Variants in SLC30A2 observed in about 807,000 individuals in gnomAD.
SLC30A2 encodes proton-coupled zinc antiporter SLC30A2.
Under a neutral mutation model 39.6 loss-of-function variants are expected in SLC30A2, and 19 were observed. The observed-to-expected ratio is 0.48, with a 90% CI of 0.34 to 0.70. SLC30A2 has a LOEUF of 0.70. Ranked by LOEUF, SLC30A2 falls within the 30% of genes least tolerant of loss-of-function variation. SLC30A2 has a pLI of 0.01. For missense variants in SLC30A2, 387 were observed against 479.4 expected, an observed-to-expected ratio of 0.81 and a Z score of 1.80; for synonymous variants, 195 against 194.8, an observed-to-expected ratio of 1.00 and a Z score of -0.01.
chr1:26,046,108 T>A lies in SLC30A2; in HGVS notation c.-212A>T. ...TGGCTCCGCGTGCCAAGCGCTCCCG[T>A]GTCTCGGGTCAGCCGCTGCGCCCCG... On this transcript the variant is annotated 5_prime_UTR_variant, in exon 1 of 8. Transcript: ENST00000374276. The surrounding 1 kb of genome is among the most constrained non-coding windows in gnomAD (Gnocchi z 4.4). 1 of 1,296,984 alleles carries A rather than the reference T, an allele frequency of 7.7e-7. No homozygotes were observed. Among genetic ancestry groups the A allele is most frequent in the Non-Finnish European group, 9.7e-7 (1 of 1,028,314 alleles). 80.3% of individuals were successfully genotyped at this position (1,296,984 alleles called of 1,614,324 possible).
intron 6 of SLC30A2, among the ~76,000 whole-genome samples, chr1:26,040,409 C>T (rs564453611): frequency 8.5e-4 from 129 of 152,020 alleles, no homozygotes; most frequent in Admixed American, 2.0e-3. Context: ...CCACCACGCC[C>T]GGCTAATTTT....
rs2050375686 is a variant in SLC30A2 at position 26,039,617 on chromosome 1, G to T, written c.973+160C>A. Among the ~76,000 whole-genome samples the T allele has an allele frequency of 6.6e-6, 1 of 152,248 alleles. No individual in the cohort carries two copies. Among genetic ancestry groups the T allele is most frequent in the Non-Finnish European group, 1.5e-5 (1 of 68,040 alleles). On this transcript the variant is annotated intron_variant, in intron 7 of 7. Transcript: ENST00000374276. The surrounding 1 kb of genome is among the most constrained non-coding windows in gnomAD (Gnocchi z 4.3). Reference sequence around the variant, plus strand: ...AGTTTCTTCATGGATAAATGAGATTGTGCTGATCAGATGGAATAATGCGTA... The same window carrying T: ...AGTTTCTTCATGGATAAATGAGATTTTGCTGATCAGATGGAATAATGCGTA...
intron 6 of SLC30A2, among the ~76,000 whole-genome samples, chr1:26,041,410 T>C (rs1467421635): frequency 1.3e-5 from 2 of 152,216 alleles, no homozygotes; most frequent in Non-Finnish European, 1.5e-5. Context: ...CTCCAGATGC[T>C]ACAGATGTCC....
chr1:26,041,143 A>G (rs1191404844), intron 6 of SLC30A2, among the ~76,000 whole-genome samples: 1 of 152,112 alleles, frequency 6.6e-6, no homozygotes, highest in Non-Finnish European at 1.5e-5. Context: ...GGCAGACCAG[A>G]TCATTCTCCA....
At position 26,039,871 on chromosome 1, in the gene SLC30A2, C is replaced by A. The variant is rs2050378222; in HGVS notation, c.879G>T (p.Leu293=). Residue 293 remains leucine, a synonymous_variant, in exon 7 of 8, where the codon CTG becomes CTT. Transcript: ENST00000374276. The surrounding 1 kb of genome is among the most constrained non-coding windows in gnomAD (Gnocchi z 4.3). ...CTTCTACCCCCTCCACCGACAGCAGCAGATCACGAACAGCTGTGAAGTCAA... is the reference window on the plus strand; with the variant it reads ...CTTCTACCCCCTCCACCGACAGCAGAAGATCACGAACAGCTGTGAAGTCAA... The part of the protein sequence containing the change: ...KGVDFTAVRD[L]LLSVEGVEAL... 1 of 1,614,018 alleles carries A rather than the reference C, an allele frequency of 6.2e-7. No homozygotes were observed. Among genetic ancestry groups the A allele is most frequent in the Non-Finnish European group, 8.5e-7 (1 of 1,180,028 alleles).
chr1:26,042,733 G>C (rs1167100581), intron 4 of SLC30A2, 25 bp from the exon 5 acceptor site: 1 of 1,608,072 alleles, frequency 6.2e-7, no homozygotes, highest in Non-Finnish European at 8.5e-7. Flanking sequence ...ACAAAGCCAA[G>C]GGCTCACTGA....
chr1:26,039,642 ATCAAGTACTCAGCATGAGGCTGGG>A lies in SLC30A2; in HGVS notation c.973+111_973+134del. 1.2e-6 allele frequency: 1 copy of A among 843,606 alleles called. No individual in the cohort carries two copies. Among genetic ancestry groups the A allele is most frequent in the Non-Finnish European group, 1.9e-6 (1 of 540,538 alleles). The allele number at this position is 843,606 out of a possible 1,614,324, so 52.3% of individuals were successfully genotyped here. A position where few individuals can be genotyped will look rare whatever the true frequency, so the allele number is the denominator to read the frequency against. Reference sequence around the variant, plus strand: ...GTGCTGATCAGATGGAATAATGCGTATCAAGTACTCAGCATGAGGCTGGGCTTGATGCATGGGCACTGTGAGCAT... The same window carrying A: ...GTGCTGATCAGATGGAATAATGCGTACTTGATGCATGGGCACTGTGAGCAT... On this transcript the variant is annotated intron_variant, in intron 7 of 7. Coordinates refer to ENST00000374276, the MANE Select transcript of SLC30A2 (RefSeq NM_001004434.3). This position sits in a 1 kb window ranked among gnomAD's most constrained non-coding sequence, Gnocchi z 4.3.
chr1:26,042,636 G>A lies in SLC30A2; in HGVS notation c.645C>T (p.Pro215=). The change falls in exon 5 of 8, where the codon CCC becomes CCT. Residue 215 remains proline (P), a synonymous_variant. Coordinates refer to ENST00000374276, the MANE Select transcript of SLC30A2 (RefSeq NM_001004434.3). ...HGTTNQQEEN[P]SVRAAFIHVI... is the part of the protein sequence containing the mutation. The stretch of plus-strand genomic sequence containing the variant: ...CATGGATGAAGGCAGCTCGGACGCT[G>A]GGGTTCTCCTCCTGCTGGTTGGTGG... 1 of 1,614,172 alleles carries A rather than the reference G, an allele frequency of 6.2e-7. No homozygotes were observed. Among genetic ancestry groups the A allele is most frequent in the Non-Finnish European group, 8.5e-7 (1 of 1,180,008 alleles).
rs2050460945 is a variant in SLC30A2 at position 26,046,042 on chromosome 1, C to T, written c.-146G>A. On this transcript the variant is annotated 5_prime_UTR_variant, in exon 1 of 8. Transcript: ENST00000374276. The surrounding 1 kb of genome is among the most constrained non-coding windows in gnomAD (Gnocchi z 4.4). ...CACTCCGGCCCGGCTCCTGCGGCCC[C>T]TGAGCTCCCCCGGCTCCCGCTGCGG... 2 of 1,359,258 alleles carry T rather than the reference C, an allele frequency of 1.5e-6. No individual in the cohort carries two copies. Among genetic ancestry groups the T allele is most frequent in the Middle Eastern group, 5.5e-4 (2 of 3,654 alleles). The allele number at this position is 1,359,258 out of a possible 1,614,324, so 84.2% of individuals were successfully genotyped here.
chr1:26,042,749 C>A, intron 4 of SLC30A2, 41 bp from the exon 5 acceptor site: 1 of 1,592,932 alleles, frequency 6.3e-7, no homozygotes, highest in Non-Finnish European at 8.6e-7. Flanking sequence ...ACTGAGGTCG[C>A]AGATGGAGGT....
chr1:26,042,482 G>T, intron 5 of SLC30A2, 67 bp downstream of exon 5: 1 of 1,423,022 alleles, frequency 7.0e-7, no homozygotes, highest in Non-Finnish European at 9.7e-7. Context: ...AGAAACCCCG[G>T]TAGAGAGTAT....
intron 3 of SLC30A2, among the ~76,000 whole-genome samples, chr1:26,043,897 C>T (rs982823971): frequency 2.0e-5 from 3 of 152,324 alleles, no homozygotes; most frequent in Non-Finnish European, 4.4e-5. Flanking sequence ...AGGAAGGTGA[C>T]GATGCAGTCC....
chr1:26,039,246 ACTTCCCTTGGAGGCGGCTGCTGG>A lies in SLC30A2; in HGVS notation c.1010_1032del (p.Ala337ValfsTer48). On this transcript the variant is annotated frameshift_variant, in exon 8 of 8. Coordinates refer to ENST00000374276, the MANE Select transcript of SLC30A2 (RefSeq NM_001004434.3). LOFTEE classifies it high-confidence loss of function. The surrounding 1 kb of genome is among the most constrained non-coding windows in gnomAD (Gnocchi z 4.3). ...TGGATGGTCACGGTGTGGAAGTGGAACTTCCCTTGGAGGCGGCTGCTGGCTGTCTTCAGCACAGCCTGGGCGTC... is the reference window on the plus strand; with the variant it reads ...TGGATGGTCACGGTGTGGAAGTGGAACTGTCTTCAGCACAGCCTGGGCGTC... 1 of 1,614,042 alleles carries A rather than the reference ACTTCCCTTGGAGGCGGCTGCTGG, an allele frequency of 6.2e-7. No homozygotes were observed. The highest frequency in any genetic ancestry group is 8.5e-7 in the Non-Finnish European group (1 of 1,179,958).
rs2050366493 is a variant in SLC30A2 at position 26,038,805 on chromosome 1, C to G, written c.*355G>C. The G allele has an allele frequency of 4.8e-6, 1 of 208,014 alleles. No individual in the cohort carries two copies. Among genetic ancestry groups the G allele is most frequent in the Non-Finnish European group, 9.3e-6 (1 of 107,232 alleles). 12.9% of individuals were successfully genotyped at this position (208,014 alleles called of 1,614,324 possible). On this transcript the variant is annotated 3_prime_UTR_variant, in exon 8 of 8. Coordinates refer to ENST00000374276, the MANE Select transcript of SLC30A2 (RefSeq NM_001004434.3). ...GGCTGAGAATGGGGCATGAGGCAGG[C>G]AGTATGGGCGCGCTGGGGCCAGCCT...
Position 26,045,022 on chromosome 1 carries a change from C to T in SLC30A2, c.246G>A (p.Leu82=), listed in dbSNP as rs1389271713. 1.2e-6 allele frequency: 2 copies of T among 1,614,234 alleles called. No individual in the cohort carries two copies. Among genetic ancestry groups the T allele is most frequent in the Non-Finnish European group, 1.7e-6 (2 of 1,180,040 alleles). ...RQLYVASAIC[L]LFMIGEVVGG... is the part of the protein sequence containing the mutation. ...CAACGACTTCTCCGATCATGAACAA[C>T]AGGCAGATGGCAGAGGCTACATACA... is the stretch of plus-strand genomic sequence containing the variant. Residue 82 remains leucine, a synonymous_variant, in exon 2 of 8, where the codon CTG becomes CTA. Coordinates refer to ENST00000374276, the MANE Select transcript of SLC30A2 (RefSeq NM_001004434.3).
intron 1 of SLC30A2, 100 bp from the exon 2 acceptor site, chr1:26,045,317 A>G: frequency 1.0e-6 from 1 of 966,316 alleles, no homozygotes; most frequent in Non-Finnish European, 1.6e-6. Flanking sequence ...CCACTGGGAA[A>G]AATAGCTAAG....
In SLC30A2 at chr1:26,038,877, A is replaced by C; in HGVS notation, c.*283T>G. 4.3e-6 allele frequency: 3 copies of C among 691,698 alleles called. No individual in the cohort carries two copies. The highest frequency in any genetic ancestry group is 4.6e-5 in the South Asian group (1 of 21,966). 42.8% of individuals were successfully genotyped at this position (691,698 alleles called of 1,614,324 possible). A position where few individuals can be genotyped will look rare whatever the true frequency, so the allele number is the denominator to read the frequency against. ...CACCACCTTTGCCCCTGCGAGTGGTAGAACATTTGCTGAGGATTAGGCCCA... is the reference window on the plus strand; with the variant it reads ...CACCACCTTTGCCCCTGCGAGTGGTCGAACATTTGCTGAGGATTAGGCCCA... On this transcript the variant is annotated 3_prime_UTR_variant, in exon 8 of 8. Transcript: ENST00000374276.
intron 1 of SLC30A2, among the ~76,000 whole-genome samples, chr1:26,045,618 C>T (rs765068822): frequency 6.6e-6 from 1 of 152,200 alleles, no homozygotes; most frequent in Non-Finnish European, 1.5e-5. Context: ...AACCGCCAAT[C>T]CCCCGGCCCC....
Position 26,044,242 on chromosome 1 carries a change from C to G in SLC30A2, c.418+56G>C, listed in dbSNP as rs955210597. The G allele has an allele frequency of 5.7e-6, 9 of 1,592,030 alleles. No individual in the cohort carries two copies. The Admixed American group carries it at 8.4e-5, about 15-fold the overall frequency. ...ACCCATTACAGCCACCTAAGAACCC[C>G]TGTTCTAACCCACCCTCTCTCTCAA... is the stretch of plus-strand genomic sequence containing the variant. On this transcript the variant is annotated intron_variant, in intron 3 of 7. Transcript: ENST00000374276.
Sources: gnomAD v4.1 joint callset for allele counts (sites outside exome capture counted in the v4.1 genomes callset) on GRCh38, gnomAD v4.1.1 for gene constraint, Gnocchi (gnomAD v3.1) non-coding constraint, MANE v1.5 for transcripts, NCBI Gene and HGNC (gene_info 2026-07-23, HGNC 2026-07-21) for gene names.